The following PTER variants were observed in gnomAD, a reference collection of about 807,000 sequenced individuals.
PTER encodes the protein phosphotriesterase related.
In PTER, 38 loss-of-function variants were observed where a neutral mutation model predicts 29.6. That is an observed-to-expected ratio of 1.28 (90% CI 0.99 to 1.68). The LOEUF (loss-of-function observed/expected upper bound fraction) is 1.68, where lower values mean the gene tolerates loss of function less well. PTER is among the 40% of genes most tolerant of loss of function. The probability of loss-of-function intolerance (pLI) is 0.00; values close to 1 mark genes in which losing one functional copy is unlikely to be tolerated. For synonymous variants in PTER, 172 were observed against 154.5 expected (o/e 1.11, Z -0.84); for missense variants, 482 against 427.8 (o/e 1.13, Z -1.12).
intron 3 of PTER, among the ~76,000 whole-genome samples, chr10:16,497,709 T>G (rs1836166839): frequency 6.6e-6 from 1 of 152,190 alleles, no homozygotes; most frequent in Admixed American, 6.5e-5. Flanking sequence ...CCACAGACCC[T>G]TGTCTAAATT....
At chr10:16,448,204 G>T (rs1333044268) in intron 1 of PTER, among the ~76,000 whole-genome samples, 5 of 152,140 alleles carry the variant, frequency 3.3e-5, no homozygotes, top group Admixed American at 3.3e-4. Flanking sequence ...ATTCCCCTAT[G>T]GGAGCCTGCC....
intron 1 of PTER, among the ~76,000 whole-genome samples, chr10:16,462,893 C>T (rs967620049): frequency 6.6e-6 from 1 of 151,428 alleles, no homozygotes; most frequent in African/African-American, 2.4e-5. Context: ...CTTAACATTA[C>T]CTCCTTAAGA....
chr10:16,467,660 A>G (rs1368515070), intron 1 of PTER, among the ~76,000 whole-genome samples: 1 of 152,058 alleles, frequency 6.6e-6, no homozygotes, highest in African/African-American at 2.4e-5. Flanking sequence ...AAAAATACAA[A>G]AATTAGCCAG....
chr10:16,450,218 A>C (rs531192906), intron 1 of PTER, among the ~76,000 whole-genome samples: 3 of 152,278 alleles, frequency 2.0e-5, no homozygotes, highest in Middle Eastern at 3.4e-3. Context: ...GTCTAGTTAC[A>C]TATCTAGAAG....
intron 3 of PTER, among the ~76,000 whole-genome samples, chr10:16,495,686 A>T (rs929996988): frequency 1.3e-5 from 2 of 152,226 alleles, no homozygotes; most frequent in Admixed American, 6.5e-5. Context: ...CATGAGCCAC[A>T]TAGAGCTGCC....
intron 3 of PTER, among the ~76,000 whole-genome samples, chr10:16,493,531 A>G (rs924984471): frequency 2.6e-5 from 4 of 152,096 alleles, no homozygotes; most frequent in African/African-American, 9.7e-5. Flanking sequence ...TGGCCTCCCA[A>G]AATGCTGGGG....
chr10:16,440,757 C>T (rs910133118), intron 1 of PTER, among the ~76,000 whole-genome samples: 4 of 152,216 alleles, frequency 2.6e-5, no homozygotes, highest in Non-Finnish European at 4.4e-5. Context: ...GGACAGTGAG[C>T]GGAGCCCCCT....
At chr10:16,473,474 C>A (rs1027708879) in intron 1 of PTER, among the ~76,000 whole-genome samples, 3 of 132,986 alleles carry the variant, frequency 2.3e-5, no homozygotes, top group Non-Finnish European at 4.6e-5. Flanking sequence ...GAGCCGAAAT[C>A]GCACCACTGC....
intron 4 of PTER, among the ~76,000 whole-genome samples, 163 bp downstream of exon 4, chr10:16,505,323 A>G (rs961136927): frequency 1.3e-5 from 2 of 152,260 alleles, no homozygotes; most frequent in South Asian, 2.1e-4. Context: ...AAATCTCTCT[A>G]TATTATTTTA....
chr10:16,475,845 C>T (rs1835240945), intron 1 of PTER, among the ~76,000 whole-genome samples: 2 of 152,142 alleles, frequency 1.3e-5, no homozygotes, highest in South Asian at 4.1e-4. Flanking sequence ...TGAAGAAATT[C>T]ATTTAGAGGA....
chr10:16,484,320 T>A lies in PTER; in HGVS notation c.-48-17T>A. 7.1e-7 allele frequency: 1 copy of A among 1,404,454 alleles called. No individual in the cohort carries two copies. Among genetic ancestry groups the A allele is most frequent in the Non-Finnish European group, 9.7e-7 (1 of 1,031,934 alleles). The allele number at this position is 1,404,454 out of a possible 1,614,324, so 87.0% of individuals were successfully genotyped here. A position where few individuals can be genotyped will look rare whatever the true frequency, so the allele number is the denominator to read the frequency against. On this transcript the variant is annotated splice_polypyrimidine_tract_variant and intron_variant, in intron 1 of 4. Coordinates refer to ENST00000535784, the MANE Select transcript of PTER (RefSeq NM_001261836.2). ...AATATTCTGATTGTAGTTGTTTGTT[T>A]GTTTGTTTGTTTTTAGAAAAAAGAA...
At chr10:16,478,375 C>A (rs1835356670) in intron 1 of PTER, among the ~76,000 whole-genome samples, 1 of 150,528 alleles carries the variant, frequency 6.6e-6, no homozygotes, top group Non-Finnish European at 1.5e-5. Context: ...CTCTTGTTGC[C>A]CAGGCTGGAG....
chr10:16,472,834 G>A (rs143607290), intron 1 of PTER, among the ~76,000 whole-genome samples: 1,546 of 152,284 alleles, frequency 0.01, 11 homozygotes, highest in Middle Eastern at 0.017. Flanking sequence ...TTCAGGTTTA[G>A]TTTGTAGAAG....
In PTER at chr10:16,453,890, A is replaced by G. The variant is rs138369616; in HGVS notation, c.-49+16843A>G. ...TTCCACATAGACTCATAGAACTTGT[A>G]TCTGGAAGGAAGCTTAGAAATCACT... On this transcript the variant is annotated intron_variant, in intron 1 of 4. Transcript: ENST00000535784. Among the ~76,000 whole-genome samples, 379 of 152,332 alleles carry G rather than the reference A, an allele frequency of 2.5e-3. 2 individuals are homozygous for G. Among genetic ancestry groups the G allele is most frequent in the African/African-American group, 8.3e-3 (345 of 41,590 alleles).
intron 3 of PTER, among the ~76,000 whole-genome samples, chr10:16,501,358 CACACACACACAT>C (rs57276842): frequency 0.063 from 7,488 of 119,342 alleles, 274 homozygotes; most frequent in East Asian, 0.22. Context: ...CACACACACA[CACACACACACAT>C]GCACACACAC....
Position 16,484,678 on chromosome 10 carries a change from C to T in PTER, c.294C>T (p.Asn98=). Residue 98 remains asparagine, a synonymous_variant, in exon 2 of 5, where the codon AAC becomes AAT. Transcript: ENST00000535784. ...KANGGGALVE[N]TTTGISRDTQ... ...ATGGTGGAGGGGCTTTGGTGGAAAA[C>T]ACAACCACTGGGATTAGCCGAGACA... 1.9e-6 allele frequency: 3 copies of T among 1,614,118 alleles called. No homozygotes were observed. Among genetic ancestry groups the T allele is most frequent in the Non-Finnish European group, 2.5e-6 (3 of 1,180,000 alleles).
chr10:16,513,798 C>G (rs1242796041), downstream of PTER: 1 of 152,514 alleles, frequency 6.6e-6, no homozygotes, highest in Non-Finnish European at 1.5e-5. Context: ...TTCTAAATAC[C>G]GTACATAATT....
chr10:16,484,303 G>T lies in PTER; in HGVS notation c.-48-34G>T, dbSNP rs1835595072. The T allele has an allele frequency of 3.2e-5, 42 of 1,326,834 alleles. No homozygotes were observed. The South Asian group carries it at 5.9e-4, about 19-fold the overall frequency. The allele number at this position is 1,326,834 out of a possible 1,614,324, so 82.2% of individuals were successfully genotyped here. A position where few individuals can be genotyped will look rare whatever the true frequency, so the allele number is the denominator to read the frequency against. On this transcript the variant is annotated intron_variant, in intron 1 of 4. Coordinates refer to ENST00000535784, the MANE Select transcript of PTER (RefSeq NM_001261836.2). ...AGTTTATGTGTGTGTTAAATATTCT[G>T]ATTGTAGTTGTTTGTTTGTTTGTTT...
chr10:16,456,859 A>AGTTG (rs1554787494), intron 1 of PTER, among the ~76,000 whole-genome samples: 1 of 56,134 alleles, frequency 1.8e-5, no homozygotes, highest in Non-Finnish European at 3.2e-5. Context: ...ACCATGGGGA[A>AGTTG]GGTGGGGGGG....
Sources: allele counts gnomAD v4.1 joint callset (sites outside exome capture counted in the v4.1 genomes callset), GRCh38; gene constraint gnomAD v4.1.1; transcripts MANE v1.5; gene names NCBI Gene and HGNC (gene_info 2026-07-23, HGNC 2026-07-21).